NAV2: variants seen among roughly 807,000 people sequenced by gnomAD.
The protein encoded by NAV2 is helicase, APC down-regulated 1.
A neutral mutation model predicts 223.2 loss-of-function variants in NAV2; 54 were observed. That is an observed-to-expected ratio of 0.24 (90% confidence interval 0.19 to 0.30). The LOEUF is 0.30. NAV2 is among the 10% of genes least tolerant of loss of function. NAV2 has a pLI of 1.00. For synonymous variants in NAV2, 1,279 were observed against 1,239.3 expected (o/e 1.03, Z -0.67); for missense variants, 2,806 against 3,147.5 (o/e 0.89, Z 2.60).
chr11:20,015,618 C>A (rs2053937989), intron 11 of NAV2, among the ~76,000 whole-genome samples: 1 of 152,166 alleles, frequency 6.6e-6, no homozygotes, highest in Admixed American at 6.5e-5. Context: ...GGTACCCCCA[C>A]ATACACCCAA....
chr11:19,934,245 C>T lies in NAV2; in HGVS notation c.2001C>T (p.Pro667=), dbSNP rs1453529114. The T allele has an allele frequency of 1.2e-6, 2 of 1,607,192 alleles. No homozygotes were observed. The highest frequency in any genetic ancestry group is 3.4e-5 in the Admixed American group (2 of 59,286). The change falls in exon 7 of 38, where the codon CCC becomes CCT. Residue 667 remains proline (P), a synonymous_variant. Transcript: ENST00000349880. The stretch of plus-strand genomic sequence containing the variant: ...AGCCCCAGCAGCAATACAACCATCC[C>T]AACACTGCCACGGTTGCACCTTTCC... ...LPQPQQQYNH[P]NTATVAPFLY... is the part of the protein sequence containing the mutation.
At position 19,436,362 on chromosome 11, in the gene NAV2, C is replaced by T. The variant is rs181102203; in HGVS notation, c.75+85335C>T. ...TTCCCCCATTGTGTGTTCTTGGCAT[C>T]TTTGTTGAAAAGCAGTTGATCATAG... On this transcript the variant is annotated intron_variant, in intron 1 of 37. Coordinates refer to the NAV2 transcript ENST00000360655. 7.5e-4 allele frequency among the ~76,000 whole-genome samples: 114 copies of T among 152,234 alleles called. 1 individual carries two copies. Among genetic ancestry groups the T allele is most frequent in the Middle Eastern group, 3.4e-3 (1 of 294 alleles).
chr11:19,846,180 A>G (rs1408109931), intron 3 of NAV2, among the ~76,000 whole-genome samples: 1 of 152,184 alleles, frequency 6.6e-6, no homozygotes, highest in African/African-American at 2.4e-5. Flanking sequence ...CAGGCATGGA[A>G]CCCATTTCTG....
chr11:19,470,518 CTG>C (rs1451418740), intron 1 of NAV2, among the ~76,000 whole-genome samples: 1 of 152,064 alleles, frequency 6.6e-6, no homozygotes, highest in Non-Finnish European at 1.5e-5. Context: ...GAGAGAGAGA[CTG>C]TGAGCCAAAC....
intron 1 of NAV2, among the ~76,000 whole-genome samples, chr11:19,738,487 G>A (rs2052523369): frequency 6.6e-6 from 1 of 152,230 alleles, no homozygotes; most frequent in African/African-American, 2.4e-5. Context: ...GACCATAAGT[G>A]GATGGTGGCT....
intron 16 of NAV2, among the ~76,000 whole-genome samples, chr11:20,050,893 G>T (rs1415213289): frequency 6.6e-6 from 1 of 152,246 alleles, no homozygotes; most frequent in South Asian, 2.1e-4. Flanking sequence ...AGAGTTAGGG[G>T]TGCAGGGAAG....
intron 3 of NAV2, among the ~76,000 whole-genome samples, chr11:19,861,266 A>G (rs61877272): frequency 0.088 from 13,324 of 152,222 alleles, 638 homozygotes; most frequent in Admixed American, 0.12. Flanking sequence ...GTTGTGGAGA[A>G]GTAAGCATGA....
chr11:19,352,316 CTAAG>C (rs1291341229), intron 1 of NAV2, among the ~76,000 whole-genome samples: 2 of 152,224 alleles, frequency 1.3e-5, no homozygotes, highest in African/African-American at 4.8e-5. Flanking sequence ...TTGCATTTGA[CTAAG>C]TATTAGCCAA....
intron 6 of NAV2, among the ~76,000 whole-genome samples, chr11:19,916,901 G>A (rs1008824307): frequency 6.6e-6 from 1 of 152,236 alleles, no homozygotes; most frequent in Non-Finnish European, 1.5e-5. Context: ...CTACTGATAA[G>A]TACAGAGGGC....
intron 3 of NAV2, among the ~76,000 whole-genome samples, chr11:19,846,694 G>C (rs1383930413): frequency 6.6e-6 from 1 of 152,148 alleles, no homozygotes; most frequent in Non-Finnish European, 1.5e-5. Flanking sequence ...ACACCTTTTG[G>C]GTGAGAAACG....
At chr11:19,796,664 G>T (rs2057920564) in intron 1 of NAV2, among the ~76,000 whole-genome samples, 1 of 152,178 alleles carries the variant, frequency 6.6e-6, no homozygotes, top group Non-Finnish European at 1.5e-5. Flanking sequence ...TCTGTGGAGG[G>T]AAGGCTGGTG....
intron 11 of NAV2, among the ~76,000 whole-genome samples, chr11:20,034,871 A>G (rs1270070659): frequency 2.0e-5 from 3 of 152,162 alleles, no homozygotes; most frequent in African/African-American, 4.8e-5. Context: ...GTGTTCAGAA[A>G]GAGGGACAAG....
intron 20 of NAV2, among the ~76,000 whole-genome samples, chr11:20,064,814 C>T (rs531101172): frequency 5.9e-5 from 9 of 152,156 alleles, no homozygotes; most frequent in Admixed American, 1.3e-4. Flanking sequence ...ACAAGAGACC[C>T]GAGGTGTAAT....
At chr11:20,114,392 C>T in intron 36 of NAV2, 200 bp from the exon 37 acceptor site, 2 of 603,062 alleles carry the variant, frequency 3.3e-6, no homozygotes, top group Non-Finnish European at 5.9e-6. Context: ...TTCTAGACCA[C>T]TGGGTCATGC....
At chr11:20,115,025 T>G (rs1226236793) in intron 37 of NAV2, among the ~76,000 whole-genome samples, 1 of 152,208 alleles carries the variant, frequency 6.6e-6, no homozygotes, top group Non-Finnish European at 1.5e-5. Flanking sequence ...AGATTAAGAA[T>G]TGATTTTTCC....
At chr11:20,033,411 C>G (rs1418318205) in intron 11 of NAV2, among the ~76,000 whole-genome samples, 2 of 152,066 alleles carry the variant, frequency 1.3e-5, no homozygotes, top group Non-Finnish European at 2.9e-5. Flanking sequence ...ATGTGTGACA[C>G]TATGTAGGAA....
At chr11:19,416,928 C>T (rs1244430247) in intron 1 of NAV2, among the ~76,000 whole-genome samples, 2 of 152,170 alleles carry the variant, frequency 1.3e-5, no homozygotes, top group African/African-American at 4.8e-5. Context: ...TTCCTTACAC[C>T]TTATACAAAC....
chr11:19,965,598 C>G (rs1157691414), intron 10 of NAV2, among the ~76,000 whole-genome samples: 1 of 152,372 alleles, frequency 6.6e-6, no homozygotes, highest in Admixed American at 6.5e-5. Flanking sequence ...GCCCATCCAA[C>G]AAATCCATTC....
intron 1 of NAV2, among the ~76,000 whole-genome samples, chr11:19,398,101 GAA>G (rs2133281187): frequency 6.6e-6 from 1 of 152,244 alleles, no homozygotes; most frequent in Non-Finnish European, 1.5e-5. Flanking sequence ...TAATTTATAA[GAA>G]AAGAGGTTTA....
Sources: gnomAD v4.1 joint callset for allele counts (sites outside exome capture counted in the v4.1 genomes callset) on GRCh38, gnomAD v4.1.1 for gene constraint, MANE v1.5 for transcripts, NCBI Gene and HGNC (gene_info 2026-07-23, HGNC 2026-07-21) for gene names.